Variants in PCNX1 observed in about 807,000 individuals in gnomAD.
PCNX1 encodes the protein pecanex-like protein 1.
PCNX1 carries 78 observed loss-of-function variants against 242.2 expected under a neutral mutation model. That is an observed-to-expected ratio of 0.32 (90% confidence interval 0.27 to 0.39). PCNX1 has a LOEUF of 0.39. PCNX1 is among the 10% of genes least tolerant of loss of function. PCNX1 has a pLI of 1.00. For missense variants in PCNX1, 2,581 were observed against 2,856.5 expected (o/e 0.90, Z 2.20); for synonymous variants, 1,024 against 1,032.9 (o/e 0.99, Z 0.17).
chr14:71,105,497 T>C, intron 33 of PCNX1, 57 bp downstream of exon 33: 3 of 1,335,118 alleles, frequency 2.2e-6, no homozygotes, highest in Non-Finnish European at 3.2e-6. Context: ...AGAGGCTGGT[T>C]AGTATATGTG....
intron 3 of PCNX1, among the ~76,000 whole-genome samples, chr14:70,967,635 C>G (rs1168057303): frequency 6.6e-6 from 1 of 151,996 alleles, no homozygotes; most frequent in Non-Finnish European, 1.5e-5. Flanking sequence ...TCATGGATGC[C>G]TTAGACTTTT....
rs1187210046 is a variant in PCNX1, at chr14:71,009,717, A to G, written c.2713A>G (p.Asn905Asp). Residue 905 changes from asparagine (N) to aspartate (D), a missense_variant, in exon 9 of 36, where the codon AAT (asparagine) becomes GAT (aspartate). Asn to Asp is a conservative substitution (Grantham distance 23). Around this residue, in one of 9 missense-constraint regions of PCNX1, gnomAD observed 1,204 missense variants for 1,216.7 expected, o/e 0.99. Transcript: ENST00000304743. The stretch of plus-strand genomic sequence containing the variant: ...TGAACCAGCAGCAAGAAGAGCATCC[A>G]ATATCTGGTATGTGTGAAGTCATAT... ...NFEPAARRAS[N>D]ICDTDSHVSS... 1.3e-6 allele frequency: 2 copies of G among 1,584,388 alleles called. No homozygotes were observed. Among genetic ancestry groups the G allele is most frequent in the Non-Finnish European group, 1.7e-6 (2 of 1,155,756 alleles).
In PCNX1 at chr14:70,990,258, T is replaced by A. The variant is rs373237595; in HGVS notation, c.2444+1559T>A. Among the ~76,000 whole-genome samples the A allele has an allele frequency of 8.9e-3, 1,347 of 151,122 alleles. 9 individuals carry two copies. Among genetic ancestry groups the A allele is most frequent in the South Asian group, 0.017 (82 of 4,766 alleles). ...TTGCTCAATTAAAACTCTTTTAAATTAAAAAAAAATAATAATAAAAAGGCT... is the reference window on the plus strand; with the variant it reads ...TTGCTCAATTAAAACTCTTTTAAATAAAAAAAAAATAATAATAAAAAGGCT... On this transcript the variant is annotated intron_variant, in intron 7 of 35. Coordinates refer to ENST00000304743, the MANE Select transcript of PCNX1 (RefSeq NM_014982.3).
chr14:71,099,658 C>G (rs1284119151), intron 30 of PCNX1, among the ~76,000 whole-genome samples: 1 of 152,204 alleles, frequency 6.6e-6, no homozygotes, highest in Non-Finnish European at 1.5e-5. Context: ...CCTCAGTGAT[C>G]TAACACTGTC....
intron 8 of PCNX1, among the ~76,000 whole-genome samples, chr14:71,003,661 TG>T (rs1371737734): frequency 1.3e-5 from 2 of 152,206 alleles, no homozygotes; most frequent in East Asian, 1.9e-4. Context: ...TCAGCTGATT[TG>T]GGGATTAGCA....
chr14:70,987,848 T>C lies in PCNX1; in HGVS notation c.2312-719T>C, dbSNP rs2059045440. Among the ~76,000 whole-genome samples the C allele has an allele frequency of 2.0e-5, 3 of 152,214 alleles. No homozygotes were observed. The South Asian group carries it at 6.2e-4, about 32-fold the overall frequency. ...CAAACATTTTTGCTTGTTTGTACTT[T>C]ATTTTTTGTAGATTAAGCTATGAGT... is the stretch of plus-strand genomic sequence containing the variant. On this transcript the variant is annotated intron_variant, in intron 6 of 35. Coordinates refer to ENST00000304743, the MANE Select transcript of PCNX1 (RefSeq NM_014982.3).
chr14:70,951,616 C>G (rs1407966424), intron 2 of PCNX1, among the ~76,000 whole-genome samples: 2 of 152,172 alleles, frequency 1.3e-5, no homozygotes, highest in African/African-American at 4.8e-5. Flanking sequence ...CTCAGGTAAT[C>G]TGCCTGCCTC....
intron 8 of PCNX1, among the ~76,000 whole-genome samples, chr14:71,008,486 C>T (rs1049931933): frequency 4.9e-4 from 75 of 151,904 alleles, no homozygotes; most frequent in Admixed American, 1.6e-3. Flanking sequence ...GAAAACCTGT[C>T]TCTACTAAAA....
rs75020083 is a variant in PCNX1, at chr14:71,070,034, A to G, written c.4853-3511A>G. ...TCATCAAGTTTATGTAGTATTATAA[A>G]TCCTTTGTTGTCATTTTAACCAAGG... On this transcript the variant is annotated intron_variant, in intron 26 of 35. Transcript: ENST00000304743. Among the ~76,000 whole-genome samples, 467 of 152,270 alleles carry G rather than the reference A, an allele frequency of 3.1e-3. 1 individual carries two copies. The highest frequency in any genetic ancestry group is 5.4e-3 in the Non-Finnish European group (365 of 68,018).
In PCNX1 at chr14:71,045,122, AT is replaced by A. The variant is rs751586365; in HGVS notation, c.3868-3del. The stretch of plus-strand genomic sequence containing the variant: ...CACTCCTAATTTTATCACTTCTATT[AT>A]TTTTTTTAGCCTGCCCTCAAGTATG... On this transcript the variant is annotated splice_polypyrimidine_tract_variant and intron_variant, in intron 19 of 35. Coordinates refer to ENST00000304743, the MANE Select transcript of PCNX1 (RefSeq NM_014982.3). The A allele has an allele frequency of 2.5e-4, 388 of 1,551,874 alleles. No homozygotes were observed. The highest frequency in any genetic ancestry group is 5.8e-4 in the Admixed American group (28 of 48,422).
chr14:71,001,160 T>C (rs75850740), intron 8 of PCNX1, among the ~76,000 whole-genome samples: 5 of 151,608 alleles, frequency 3.3e-5, no homozygotes, highest in Non-Finnish European at 5.9e-5. Flanking sequence ...ATTTAATCAA[T>C]TAACCCCATT....
chr14:71,034,317 T>C (rs548009924), intron 18 of PCNX1, among the ~76,000 whole-genome samples: 3 of 152,302 alleles, frequency 2.0e-5, no homozygotes, highest in Non-Finnish European at 4.4e-5. Flanking sequence ...TTTTTACTCC[T>C]ATTTGATTTA....
intron 30 of PCNX1, among the ~76,000 whole-genome samples, chr14:71,100,667 A>T (rs2062438801): frequency 6.6e-6 from 1 of 152,076 alleles, no homozygotes; most frequent in African/African-American, 2.4e-5. Context: ...CTCTTGAGTT[A>T]TTCCCTCAAA....
At chr14:70,938,220 G>A (rs1594949728) in intron 1 of PCNX1, among the ~76,000 whole-genome samples, 1 of 152,188 alleles carries the variant, frequency 6.6e-6, no homozygotes, top group East Asian at 1.9e-4. Flanking sequence ...GTTTTCAAAG[G>A]GAGTGCTTCC....
rs113030533 is a variant in PCNX1 at position 71,040,570 on chromosome 14, A to G, written c.3867+4413A>G. Among the ~76,000 whole-genome samples, 1,046 of 152,164 alleles carry G rather than the reference A, an allele frequency of 6.9e-3. 10 individuals carry two copies. The highest frequency in any genetic ancestry group is 0.024 in the African/African-American group (980 of 41,504). ...ATGGGTGTATATTTTTATGGGGTAC[A>G]TGAGATACTTTGATACAGGCATGCA... On this transcript the variant is annotated intron_variant, in intron 19 of 35. Coordinates refer to ENST00000304743, the MANE Select transcript of PCNX1 (RefSeq NM_014982.3).
At chr14:70,952,220 A>G (rs1401426584) in intron 2 of PCNX1, among the ~76,000 whole-genome samples, 1 of 152,306 alleles carries the variant, frequency 6.6e-6, no homozygotes, top group East Asian at 1.9e-4. Flanking sequence ...GATATTATAT[A>G]TATTTGTCAT....
rs1178532656 is a variant in PCNX1, at chr14:70,978,163, G to A, written c.1826G>A (p.Ser609Asn). 1.9e-6 allele frequency: 3 copies of A among 1,614,018 alleles called. No homozygotes were observed. The highest frequency in any genetic ancestry group is 2.5e-6 in the Non-Finnish European group (3 of 1,180,012). ...GACTCTAGTGATCAGAGTGACTTGA[G>A]TAGAGCATCAAGTGTTCAGTCTGCT... ...DEDSSDQSDL[S>N]RASSVQSAHQ... is the part of the protein sequence containing the mutation. Residue 609 changes from serine (S) to asparagine (N), a missense_variant, in exon 6 of 36, where the codon AGT (serine) becomes AAT (asparagine). This residue lies in a region of PCNX1 where 1,204 missense variants were observed against 1,216.7 expected (regional missense o/e 0.99). Transcript: ENST00000304743.
chr14:71,023,522 C>G (rs988304772), intron 13 of PCNX1, among the ~76,000 whole-genome samples: 4 of 151,946 alleles, frequency 2.6e-5, no homozygotes, highest in African/African-American at 9.7e-5. Flanking sequence ...CTTATAAACT[C>G]ATGATTATTT....
chr14:70,909,156 TCA>T (rs1594858949), intron 1 of PCNX1, among the ~76,000 whole-genome samples: 1 of 152,192 alleles, frequency 6.6e-6, no homozygotes, highest in African/African-American at 2.4e-5. Flanking sequence ...TAAGTGAAGT[TCA>T]GTTTCACTAA....
Sources: allele counts gnomAD v4.1 joint callset (sites outside exome capture counted in the v4.1 genomes callset), GRCh38; gene constraint gnomAD v4.1.1; regional missense constraint gnomAD v4.1.1; transcripts MANE v1.5; gene names NCBI Gene and HGNC (gene_info 2026-07-23, HGNC 2026-07-21).